The following WARS2 variants were observed in gnomAD, a reference collection of about 807,000 sequenced individuals.
WARS2 encodes the protein tryptophanyl tRNA synthetase 2, mitochondrial, also known as tryptophan--tRNA ligase, mitochondrial.
WARS2 carries 28 observed loss-of-function variants against 36.5 expected under a neutral mutation model. The ratio of observed to expected loss-of-function variants is 0.77; its 90% confidence interval spans 0.57 to 1.05. The LOEUF is 1.05. WARS2 is among the 50% of genes least tolerant of loss of function. WARS2 has a pLI of 0.00. For missense variants in WARS2, 435 were observed against 456.8 expected (o/e 0.95, Z 0.44); for synonymous variants, 174 against 178.4 (o/e 0.98, Z 0.20).
At chr1:119,033,561 T>C (rs538496352) in intron 5 of WARS2, among the ~76,000 whole-genome samples, 2 of 152,260 alleles carry the variant, frequency 1.3e-5, no homozygotes, top group South Asian at 2.1e-4. Flanking sequence ...ACTTTCAGTA[T>C]AGTATTCAAT....
intron 2 of WARS2, among the ~76,000 whole-genome samples, chr1:119,059,644 G>A (rs1278630768): frequency 6.6e-6 from 1 of 152,140 alleles, no homozygotes; most frequent in Non-Finnish European, 1.5e-5. Flanking sequence ...GCTGTTTTGA[G>A]TATTCTAAAC....
chr1:119,134,162 G>A (rs1028482914), intron 1 of WARS2, among the ~76,000 whole-genome samples: 1 of 151,790 alleles, frequency 6.6e-6, no homozygotes, highest in Non-Finnish European at 1.5e-5. Context: ...GTCACAATCA[G>A]AACATGAAGA....
intron 1 of WARS2, among the ~76,000 whole-genome samples, chr1:119,125,586 C>T (rs587704629): frequency 1.6e-4 from 24 of 152,256 alleles, no homozygotes; most frequent in South Asian, 1.5e-3. Flanking sequence ...ACAGAATTCA[C>T]CAGGTGACAT....
intron 2 of WARS2, among the ~76,000 whole-genome samples, chr1:119,068,172 G>T (rs529577871): frequency 6.6e-6 from 1 of 152,242 alleles, no homozygotes; most frequent in South Asian, 2.1e-4. Context: ...AGCTGAAAGA[G>T]CACCTATTGT....
intron 2 of WARS2, among the ~76,000 whole-genome samples, chr1:119,053,205 AT>A (rs1015150504): frequency 7.9e-5 from 12 of 151,878 alleles, no homozygotes; most frequent in African/African-American, 2.2e-4. Context: ...GAGTAATCAA[AT>A]TTTTTTTTAA....
chr1:119,126,674 C>T, intron 1 of WARS2: 2 of 722,898 alleles, frequency 2.8e-6, no homozygotes, highest in Non-Finnish European at 2.6e-6. Flanking sequence ...CAAACTAGGG[C>T]TTCCTCAGCA....
At chr1:119,089,470 T>C (rs1269273179) in intron 1 of WARS2, among the ~76,000 whole-genome samples, 2 of 152,206 alleles carry the variant, frequency 1.3e-5, no homozygotes, top group African/African-American at 4.8e-5. Context: ...AGTGCCACAC[T>C]GCCGGGATTC....
At chr1:119,112,457 A>C (rs1654708336) in intron 1 of WARS2, among the ~76,000 whole-genome samples, 1 of 152,170 alleles carries the variant, frequency 6.6e-6, no homozygotes, top group South Asian at 2.1e-4. Context: ...CAGAAGAGAG[A>C]GAATATAAAA....
At chr1:119,036,578 T>C (rs1449336473) in intron 4 of WARS2, among the ~76,000 whole-genome samples, 2 of 152,186 alleles carry the variant, frequency 1.3e-5, no homozygotes, top group Non-Finnish European at 2.9e-5. Flanking sequence ...GAAATCACAA[T>C]GGACTGCAAC....
At chr1:119,053,663 A>G (rs2101165949) in intron 2 of WARS2, among the ~76,000 whole-genome samples, 1 of 152,350 alleles carries the variant, frequency 6.6e-6, no homozygotes, top group East Asian at 1.9e-4. Flanking sequence ...AAGGGACCCA[A>G]TCAGCAGAGT....
Position 119,072,500 on chromosome 1 carries a change from G to A in WARS2, c.348+3850C>T, listed in dbSNP as rs184837057. 4.5e-4 allele frequency among the ~76,000 whole-genome samples: 69 copies of A among 152,192 alleles called. No homozygotes were observed. The Middle Eastern group carries it at 0.014, about 30-fold the overall frequency. Reference sequence around the variant, plus strand: ...CAATACATCAAAGGTGTGAAAAAAAGTAGAAGCATAAAAAATCAAAGTTTT... The same window carrying A: ...CAATACATCAAAGGTGTGAAAAAAAATAGAAGCATAAAAAATCAAAGTTTT... On this transcript the variant is annotated intron_variant, in intron 2 of 5. Coordinates refer to ENST00000235521, the MANE Select transcript of WARS2 (RefSeq NM_015836.4).
chr1:119,114,606 A>C lies in WARS2; in HGVS notation c.90+25949T>G, dbSNP rs587629212. Among the ~76,000 whole-genome samples, 210 of 152,296 alleles carry C rather than the reference A, an allele frequency of 1.4e-3. 1 individual carries two copies. Among genetic ancestry groups the C allele is most frequent in the Admixed American group, 2.9e-3 (44 of 15,300 alleles). On this transcript the variant is annotated intron_variant, in intron 1 of 5. Transcript: ENST00000235521. ...CAAGGCTTCTTCAGCTTCCTGGTTC[A>C]GGTTAGGAGATTTGGGAGTTGTCCT...
At chr1:119,129,499 A>G (rs946541963) in intron 1 of WARS2, among the ~76,000 whole-genome samples, 1 of 152,142 alleles carries the variant, frequency 6.6e-6, no homozygotes, top group Non-Finnish European at 1.5e-5. Context: ...ATTTGAGCCC[A>G]GGAGTTCGAG....
chr1:119,084,304 T>TG (rs1477609266), intron 1 of WARS2, among the ~76,000 whole-genome samples: 3 of 152,102 alleles, frequency 2.0e-5, no homozygotes, highest in African/African-American at 4.8e-5. Flanking sequence ...TCTTGTTTAA[T>TG]GGGTACAGGG....
intron 1 of WARS2, among the ~76,000 whole-genome samples, chr1:119,082,968 C>T (rs768657003): frequency 5.3e-5 from 8 of 152,176 alleles, no homozygotes; most frequent in Non-Finnish European, 1.2e-4. Flanking sequence ...GTGGCTCACA[C>T]CTGCAATCCC....
intron 1 of WARS2, among the ~76,000 whole-genome samples, chr1:119,126,301 A>AAT (rs1232261684): frequency 2.0e-5 from 3 of 152,048 alleles, no homozygotes; most frequent in Non-Finnish European, 4.4e-5. Context: ...AATAATGCAG[A>AAT]ATTTTGTTTC....
chr1:119,054,132 CAAT>C (rs1649586860), intron 2 of WARS2, among the ~76,000 whole-genome samples: 1 of 150,266 alleles, frequency 6.7e-6, no homozygotes, highest in African/African-American at 2.4e-5. Flanking sequence ...TTAAATAAAA[CAAT>C]AACTATTATT....
intron 1 of WARS2, among the ~76,000 whole-genome samples, chr1:119,100,466 A>G (rs940774644): frequency 3.9e-5 from 6 of 152,226 alleles, no homozygotes; most frequent in African/African-American, 1.4e-4. Flanking sequence ...AAAGAAATCA[A>G]TATATCAAAG....
At chr1:119,102,285 A>C (rs984512086) in intron 1 of WARS2, among the ~76,000 whole-genome samples, 8 of 152,228 alleles carry the variant, frequency 5.3e-5, no homozygotes, top group African/African-American at 1.9e-4. Flanking sequence ...TATTTTACTT[A>C]GAACTAATTT....
Sources: allele counts gnomAD v4.1 joint callset (sites outside exome capture counted in the v4.1 genomes callset), GRCh38; gene constraint gnomAD v4.1.1; transcripts MANE v1.5; gene names NCBI Gene and HGNC (gene_info 2026-07-23, HGNC 2026-07-21).